GALNT16: variants seen among roughly 807,000 people sequenced by gnomAD.
GALNT16 encodes the protein UDP-GalNAc:polypeptide N-acetylgalactosaminyltransferase-like protein 1.
GALNT16 carries 40 observed loss-of-function variants against 76.1 expected under a neutral mutation model. The ratio of observed to expected loss-of-function variants is 0.53; its 90% confidence interval spans 0.41 to 0.68. The LOEUF (loss-of-function observed/expected upper bound fraction) is 0.68, where lower values mean the gene tolerates loss of function less well. Among genes scored for constraint, GALNT16 ranks in the 30% least tolerant of loss-of-function variants. The pLI is 0.00. For missense variants in GALNT16, 621 were observed against 731.9 expected, an observed-to-expected ratio of 0.85 and a Z score of 1.75; for synonymous variants, 276 against 285.2, an observed-to-expected ratio of 0.97 and a Z score of 0.32.
At chr14:69,273,020 A>G (rs1298982211) in intron 1 of GALNT16, among the ~76,000 whole-genome samples, 1 of 152,216 alleles carries the variant, frequency 6.6e-6, no homozygotes, top group Non-Finnish European at 1.5e-5. Context: ...GAATCTGGCT[A>G]CGCATCCTAG....
At chr14:69,362,262 C>T in the GALNT16 span, among the ~76,000 whole-genome samples, 6 of 152,308 alleles carry the variant, frequency 3.9e-5, no homozygotes, top group South Asian at 2.1e-4. Context: ...AATGTCCTCC[C>T]GGCCTCAGGG....
At position 69,260,891 on chromosome 14, in the gene GALNT16, C is replaced by T. The variant is rs1594803344; in HGVS notation, c.177+424C>T. On this transcript the variant is annotated intron_variant, in intron 1 of 14. Transcript: ENST00000448469. ...CGAGCGCGTAGGTGGCAGTGCGCAG[C>T]CCCTCTCCAGCCTTCTGGGGGCAGA... Among the ~76,000 whole-genome samples, 3 of 152,044 alleles carry T rather than the reference C, an allele frequency of 2.0e-5. No individual in the cohort carries two copies. The East Asian group carries it at 5.8e-4, about 30-fold the overall frequency.
the GALNT16 span, among the ~76,000 whole-genome samples, chr14:69,381,721 C>G: frequency 1.3e-5 from 2 of 152,168 alleles, no homozygotes; most frequent in Non-Finnish European, 2.9e-5. Flanking sequence ...CAGAATCTCA[C>G]TCTGTAACTC....
rs1160932161 is a variant in GALNT16, at chr14:69,347,112, C to T, written c.1344C>T (p.Asn448=). The T allele has an allele frequency of 1.9e-6, 3 of 1,613,964 alleles. No individual in the cohort carries two copies. The highest frequency in any genetic ancestry group is 2.5e-6 in the Non-Finnish European group (3 of 1,179,878). Reference sequence around the variant, plus strand: ...ACTGCTTAGAATCTCAGGGCCAGAACACAGCTGGTGACTTCCTGCTTGGAA... The same window carrying T: ...ACTGCTTAGAATCTCAGGGCCAGAATACAGCTGGTGACTTCCTGCTTGGAA... ...GVNCLESQGQ[N]TAGDFLLGMG... The change falls in exon 13 of 15, where the codon AAC becomes AAT. Residue 448 remains asparagine (N), a synonymous_variant. Coordinates refer to ENST00000448469, the MANE Select transcript of GALNT16 (RefSeq NM_001168368.2).
At chr14:69,271,411 C>CTTA (rs2044406039) in intron 1 of GALNT16, among the ~76,000 whole-genome samples, 2 of 152,212 alleles carry the variant, frequency 1.3e-5, no homozygotes, top group Non-Finnish European at 2.9e-5. Context: ...GAGAGGAAAA[C>CTTA]TGGGCATAAG....
Position 69,339,597 on chromosome 14 carries a change from G to C in GALNT16, c.1165G>C (p.Ala389Pro). The change falls in exon 11 of 15, where the codon GCC becomes CCC. Residue 389 changes from alanine to proline, a missense_variant. Ala to Pro is a conservative substitution (Grantham distance 27). Transcript: ENST00000448469. ...ATACTACTATGAGGCCCGGCCCTCGGCCATCGGGAAGGCCTTCGGCAGGTG... is the reference window on the plus strand; with the variant it reads ...ATACTACTATGAGGCCCGGCCCTCGCCCATCGGGAAGGCCTTCGGCAGGTG... Reference protein sequence around the residue: ...KQYYYEARPSAIGKAFGSVAT... With the variant: ...KQYYYEARPSPIGKAFGSVAT... The C allele has an allele frequency of 6.2e-7, 1 of 1,607,936 alleles. No homozygotes were observed. Among genetic ancestry groups the C allele is most frequent in the Non-Finnish European group, 8.5e-7 (1 of 1,176,178 alleles).
intron 1 of GALNT16, among the ~76,000 whole-genome samples, chr14:69,318,639 TCCTGAGCCCACAGAGTGGCCG>T (rs2045135227): frequency 6.6e-6 from 1 of 152,192 alleles, no homozygotes; most frequent in South Asian, 2.1e-4. Flanking sequence ...CTCAGAGGTT[TCCTGAGCCCACAGAGTGGCCG>T]TAAGTCCTAA....
intron 1 of GALNT16, among the ~76,000 whole-genome samples, chr14:69,285,444 CA>C: frequency 6.6e-6 from 1 of 151,208 alleles, no homozygotes; most frequent in East Asian, 2.0e-4. Flanking sequence ...TGTGTAGTGT[CA>C]TGTGTGGTTT....
At chr14:69,306,048 A>G (rs925561219) in intron 1 of GALNT16, among the ~76,000 whole-genome samples, 3 of 152,102 alleles carry the variant, frequency 2.0e-5, no homozygotes, top group Non-Finnish European at 4.4e-5. Context: ...TATTCTTGGC[A>G]CCCTTGTCGA....
At chr14:69,380,482 G>A in the GALNT16 span, 14 of 971,448 alleles carry the variant, frequency 1.4e-5, no homozygotes, top group South Asian at 9.1e-5. Flanking sequence ...ACTACAGCAC[G>A]CTGTACACAC....
intron 14 of GALNT16, chr14:69,348,478 G>A (rs2045594694): frequency 1.1e-5 from 2 of 185,190 alleles, no homozygotes; most frequent in Non-Finnish European, 2.2e-5. Flanking sequence ...GAGAAGGGGT[G>A]GAGCTGGGAT....
At chr14:69,311,611 TAACCG>T (rs924222475) in intron 1 of GALNT16, among the ~76,000 whole-genome samples, 2 of 152,220 alleles carry the variant, frequency 1.3e-5, no homozygotes, top group African/African-American at 4.8e-5. Flanking sequence ...GAGTATAACC[TAACCG>T]ATTAATTACT....
chr14:69,339,434 C>T lies in GALNT16; in HGVS notation c.1095-93C>T, dbSNP rs148324911. On this transcript the variant is annotated intron_variant, in intron 10 of 14. Transcript: ENST00000448469. ...ATCACCTTGCTCCTGAGATTCTCAT[C>T]GTCCTGTATTCATGGATCGATTAAT... 262 of 803,538 alleles carry T rather than the reference C, an allele frequency of 3.3e-4. No homozygotes were observed. In the African/African-American group the frequency reaches 3.9e-3, roughly 12 times the overall value. 49.8% of individuals were successfully genotyped at this position (803,538 alleles called of 1,614,324 possible).
intron 9 of GALNT16, among the ~76,000 whole-genome samples, chr14:69,336,261 C>T (rs780726506): frequency 3.3e-5 from 5 of 152,234 alleles, no homozygotes; most frequent in Non-Finnish European, 7.3e-5. Context: ...AGGCACACAC[C>T]ACCAGGCCCG....
At chr14:69,271,842 C>T (rs549498255) in intron 1 of GALNT16, among the ~76,000 whole-genome samples, 5 of 152,160 alleles carry the variant, frequency 3.3e-5, no homozygotes, top group East Asian at 3.9e-4. Flanking sequence ...AAATATATAT[C>T]GGATTTCACA....
chr14:69,294,375 G>A (rs2140131804), intron 1 of GALNT16, among the ~76,000 whole-genome samples: 1 of 152,258 alleles, frequency 6.6e-6, no homozygotes, highest in South Asian at 2.1e-4. Flanking sequence ...ATCTGCTTTG[G>A]CCTCCCAAAG....
At chr14:69,330,468 A>G (rs1388363206) in intron 6 of GALNT16, among the ~76,000 whole-genome samples, 2 of 152,240 alleles carry the variant, frequency 1.3e-5, no homozygotes, top group African/African-American at 4.8e-5. Flanking sequence ...TTGTGAATAT[A>G]CTAAAAACCA....
chr14:69,337,447 ATAT>A lies in GALNT16; in HGVS notation c.968-1200_968-1198del, dbSNP rs1400051655. ...TTGATAATAATAACAATAGTTAATA[ATAT>A]TATAGACATTATGGGCTGAGTGGGA... On this transcript the variant is annotated intron_variant, in intron 9 of 14. Coordinates refer to ENST00000448469, the MANE Select transcript of GALNT16 (RefSeq NM_001168368.2). Among the ~76,000 whole-genome samples the A allele has an allele frequency of 2.0e-5, 3 of 152,210 alleles. No individual in the cohort carries two copies. In the East Asian group the frequency reaches 5.8e-4, roughly 29 times the overall value.
chr14:69,291,353 T>G (rs2044685007), intron 1 of GALNT16, among the ~76,000 whole-genome samples: 2 of 152,164 alleles, frequency 1.3e-5, no homozygotes, highest in South Asian at 4.1e-4. Flanking sequence ...CCCAAAGCTC[T>G]TATCTAATAA....
Sources: gnomAD v4.1 joint callset for allele counts (sites outside exome capture counted in the v4.1 genomes callset) on GRCh38, gnomAD v4.1.1 for gene constraint, MANE v1.5 for transcripts, NCBI Gene and HGNC (gene_info 2026-07-23, HGNC 2026-07-21) for gene names.